The following SLC9A9 variants were observed in gnomAD, a reference collection of about 807,000 sequenced individuals.
SLC9A9 encodes the protein solute carrier family 9 member A9, also known as sodium/hydrogen exchanger 9.
SLC9A9 carries 62 observed loss-of-function variants against 77.8 expected under a neutral mutation model. The ratio of observed to expected loss-of-function variants is 0.80; its 90% CI spans 0.65 to 0.98. SLC9A9 has a LOEUF of 0.98. Ranked by LOEUF, SLC9A9 falls within the 50% of genes least tolerant of loss-of-function variation. The pLI, the probability that SLC9A9 is intolerant of heterozygous loss-of-function variation, is 0.00. For missense variants in SLC9A9, 775 were observed against 774.9 expected (o/e 1.00, Z 0.00); for synonymous variants, 320 against 283.5 (o/e 1.13, Z -1.29).
chr3:143,706,793 A>C (rs1387058455), intron 4 of SLC9A9, among the ~76,000 whole-genome samples: 2 of 152,208 alleles, frequency 1.3e-5, no homozygotes, highest in East Asian at 3.9e-4. Flanking sequence ...AACTTTCTTT[A>C]AACATTATAA....
chr3:143,692,775 G>A (rs1933510709), intron 5 of SLC9A9, among the ~76,000 whole-genome samples: 1 of 151,982 alleles, frequency 6.6e-6, no homozygotes, highest in African/African-American at 2.4e-5. Flanking sequence ...AATTTTCTTG[G>A]GCCACACATA....
chr3:143,730,700 A>G (rs1237628907), intron 4 of SLC9A9, among the ~76,000 whole-genome samples: 3 of 152,206 alleles, frequency 2.0e-5, no homozygotes, highest in African/African-American at 4.8e-5. Flanking sequence ...ATTTATCTTC[A>G]TAAATTTCGG....
intron 13 of SLC9A9, among the ~76,000 whole-genome samples, chr3:143,374,550 A>G (rs547360354): frequency 2.6e-5 from 4 of 152,060 alleles, no homozygotes; most frequent in African/African-American, 9.6e-5. Context: ...TGAAAAGCAT[A>G]TTAAGCACTA....
intron 6 of SLC9A9, among the ~76,000 whole-genome samples, chr3:143,607,401 T>C (rs2037945836): frequency 6.6e-6 from 1 of 152,084 alleles, no homozygotes; most frequent in African/African-American, 2.4e-5. Flanking sequence ...GAAGCCAAAG[T>C]AACCACTAAT....
rs560166336 is a variant in SLC9A9 at position 143,616,126 on chromosome 3, G to A, written c.755+36129C>T. Among the ~76,000 whole-genome samples, 170 of 152,024 alleles carry A rather than the reference G, an allele frequency of 1.1e-3. 1 individual carries two copies. Among genetic ancestry groups the A allele is most frequent in the African/African-American group, 3.8e-3 (156 of 41,492 alleles). On this transcript the variant is annotated intron_variant, in intron 6 of 15. Transcript: ENST00000316549. ...TCTCGACCTCCTGACCTTGTGATCC[G>A]CCCGCCTCGGCCTCCCAAAGTGCTG...
chr3:143,272,094 A>G (rs1937914350), intron 14 of SLC9A9, among the ~76,000 whole-genome samples: 1 of 152,200 alleles, frequency 6.6e-6, no homozygotes, highest in South Asian at 2.1e-4. Flanking sequence ...TCAAAGTTGG[A>G]CTACTTGGGC....
intron 5 of SLC9A9, among the ~76,000 whole-genome samples, chr3:143,688,932 A>G (rs1275125399): frequency 8.4e-6 from 1 of 119,744 alleles, no homozygotes; most frequent in Non-Finnish European, 1.8e-5. Flanking sequence ...GGTATCTTAT[A>G]AATAGAAAAA....
chr3:143,613,973 A>G (rs1329129940), intron 6 of SLC9A9, among the ~76,000 whole-genome samples: 1 of 152,218 alleles, frequency 6.6e-6, no homozygotes. Context: ...TAGCACTTTT[A>G]ATATTGAACT....
intron 14 of SLC9A9, among the ~76,000 whole-genome samples, chr3:143,324,649 C>G (rs921933707): frequency 2.0e-5 from 3 of 151,950 alleles, no homozygotes; most frequent in Non-Finnish European, 4.4e-5. Flanking sequence ...TGGCAAACCC[C>G]ATATCTACAA....
intron 2 of SLC9A9, among the ~76,000 whole-genome samples, chr3:143,817,751 T>C (rs10513218): frequency 0.057 from 8,614 of 152,234 alleles, 624 homozygotes; most frequent in African/African-American, 0.17. Flanking sequence ...CATTTTCCAG[T>C]GCTTTTTCAA....
chr3:143,794,609 A>T (rs974845312), intron 4 of SLC9A9, among the ~76,000 whole-genome samples: 6 of 152,180 alleles, frequency 3.9e-5, no homozygotes, highest in African/African-American at 1.4e-4. Context: ...TAGAAAGAAA[A>T]CTCTTGGCAT....
chr3:143,830,649 T>C (rs1159294678), intron 2 of SLC9A9, among the ~76,000 whole-genome samples: 1 of 152,166 alleles, frequency 6.6e-6, no homozygotes, highest in Non-Finnish European at 1.5e-5. Context: ...TAAAAATGTG[T>C]AGGAGAGTGA....
intron 13 of SLC9A9, among the ~76,000 whole-genome samples, chr3:143,375,390 C>T (rs530712117): frequency 2.0e-5 from 3 of 152,280 alleles, no homozygotes; most frequent in East Asian, 1.9e-4. Flanking sequence ...TTTTTTAGGA[C>T]GACCTCGTAA....
intron 6 of SLC9A9, among the ~76,000 whole-genome samples, chr3:143,618,600 A>G (rs966328594): frequency 2.0e-4 from 31 of 152,170 alleles, no homozygotes; most frequent in African/African-American, 7.2e-4. Flanking sequence ...CTGGTGAGAG[A>G]GAGGTGGCCT....
At chr3:143,316,787 G>A (rs533693088) in intron 14 of SLC9A9, among the ~76,000 whole-genome samples, 15 of 152,294 alleles carry the variant, frequency 9.8e-5, no homozygotes, top group Non-Finnish European at 1.3e-4. Flanking sequence ...AATATTAAGA[G>A]CAAATTCATA....
intron 11 of SLC9A9, among the ~76,000 whole-genome samples, chr3:143,487,042 G>A (rs968717785): frequency 1.3e-5 from 2 of 151,864 alleles, no homozygotes; most frequent in African/African-American, 4.8e-5. Flanking sequence ...ACTGATTTTA[G>A]GTCCAATGAC....
chr3:143,414,060 G>A (rs2034146913), intron 12 of SLC9A9, among the ~76,000 whole-genome samples: 2 of 152,214 alleles, frequency 1.3e-5, no homozygotes, highest in African/African-American at 2.4e-5. Context: ...AGTGTTTGGT[G>A]GAAAGGCAGG....
chr3:143,788,859 T>C (rs115629451), intron 4 of SLC9A9, among the ~76,000 whole-genome samples: 1,786 of 151,650 alleles, frequency 0.012, 37 homozygotes, highest in African/African-American at 0.041. Context: ...TTAATGAAAA[T>C]ATGACAAGAC....
intron 14 of SLC9A9, among the ~76,000 whole-genome samples, chr3:143,349,220 G>A (rs1031777058): frequency 1.3e-5 from 2 of 152,188 alleles, no homozygotes; most frequent in Non-Finnish European, 2.9e-5. Context: ...CTGGAACAAA[G>A]TAATTTTGCC....
Sources: gnomAD v4.1 joint callset for allele counts (sites outside exome capture counted in the v4.1 genomes callset) on GRCh38, gnomAD v4.1.1 for gene constraint, MANE v1.5 for transcripts, NCBI Gene and HGNC (gene_info 2026-07-23, HGNC 2026-07-21) for gene names.